DENND1A: variants seen among roughly 807,000 people sequenced by gnomAD.
DENND1A encodes the protein DENN domain-containing protein 1A.
DENND1A carries 51 observed loss-of-function variants against 113.7 expected under a neutral mutation model. The observed-to-expected ratio is 0.45, with a 90% CI of 0.36 to 0.57. DENND1A has a LOEUF of 0.57. Among genes scored for constraint, DENND1A ranks in the 20% least tolerant of loss-of-function variants. The pLI is 0.00. For missense variants in DENND1A, 1,258 were observed against 1,395.9 expected (o/e 0.90, Z 1.57); for synonymous variants, 565 against 570.8 (o/e 0.99, Z 0.14).
chr9:123,760,067 G>A (rs2070908223), intron 4 of DENND1A, among the ~76,000 whole-genome samples: 1 of 152,176 alleles, frequency 6.6e-6, no homozygotes, highest in Non-Finnish European at 1.5e-5. Flanking sequence ...AACGTAATAT[G>A]CTAGAATTCA....
At chr9:123,628,918 T>C (rs1277063014) in intron 10 of DENND1A, among the ~76,000 whole-genome samples, 1 of 152,134 alleles carries the variant, frequency 6.6e-6, no homozygotes, top group Admixed American at 6.5e-5. Context: ...GAAAGACATA[T>C]AATAAAGAGA....
intron 12 of DENND1A, among the ~76,000 whole-genome samples, chr9:123,577,057 A>T (rs1345909808): frequency 6.6e-6 from 1 of 152,138 alleles, no homozygotes; most frequent in Non-Finnish European, 1.5e-5. Flanking sequence ...AATCTGTTAA[A>T]ATATTTTTTC....
intron 5 of DENND1A, among the ~76,000 whole-genome samples, chr9:123,722,436 G>A (rs1330834782): frequency 6.6e-6 from 1 of 152,232 alleles, no homozygotes; most frequent in Non-Finnish European, 1.5e-5. Flanking sequence ...GGAGCTGAAC[G>A]TTAATCACCA....
intron 13 of DENND1A, among the ~76,000 whole-genome samples, chr9:123,507,115 G>A (rs1299975854): frequency 6.6e-6 from 1 of 152,204 alleles, no homozygotes; most frequent in Non-Finnish European, 1.5e-5. Flanking sequence ...CTTGAACCTG[G>A]GAGATGGGGG....
intron 13 of DENND1A, among the ~76,000 whole-genome samples, chr9:123,475,711 A>T (rs2049856147): frequency 6.6e-6 from 1 of 152,230 alleles, no homozygotes; most frequent in South Asian, 2.1e-4. Flanking sequence ...GGCTAAAAAT[A>T]TTGCTAACGT....
intron 13 of DENND1A, among the ~76,000 whole-genome samples, chr9:123,475,164 G>A (rs773230966): frequency 3.9e-5 from 6 of 151,968 alleles, no homozygotes; most frequent in East Asian, 1.9e-4. Context: ...AATTACAGGC[G>A]CCCGCCAACA....
chr9:123,893,911 T>C (rs1267791047), intron 1 of DENND1A, among the ~76,000 whole-genome samples: 1 of 152,176 alleles, frequency 6.6e-6, no homozygotes, highest in African/African-American at 2.4e-5. Context: ...TTAAGAGATA[T>C]TTGCTGAATG....
At chr9:123,418,805 C>T (rs1482835410) in intron 19 of DENND1A, among the ~76,000 whole-genome samples, 1 of 152,214 alleles carries the variant, frequency 6.6e-6, no homozygotes, top group Non-Finnish European at 1.5e-5. Context: ...CCCAGGGTTG[C>T]CCAGAGCAAG....
At chr9:123,842,364 G>A (rs1011032035) in intron 2 of DENND1A, among the ~76,000 whole-genome samples, 1 of 151,908 alleles carries the variant, frequency 6.6e-6, no homozygotes. Flanking sequence ...GAGGTGAGAA[G>A]TAAAAGAAAA....
At chr9:123,486,927 G>A (rs532898845) in intron 13 of DENND1A, among the ~76,000 whole-genome samples, 1 of 152,280 alleles carries the variant, frequency 6.6e-6, no homozygotes, top group Admixed American at 6.5e-5. Flanking sequence ...GGAGCCGACT[G>A]GAGGACTCCA....
intron 12 of DENND1A, among the ~76,000 whole-genome samples, chr9:123,559,111 ACCG>A (rs2057590704): frequency 6.6e-6 from 1 of 152,192 alleles, no homozygotes; most frequent in Non-Finnish European, 1.5e-5. Context: ...AGGGGTGAGC[ACCG>A]CGTGCTAAGT....
chr9:123,757,744 G>A lies in DENND1A; in HGVS notation c.261C>T (p.Cys87=), dbSNP rs1185740270. 1 of 1,614,024 alleles carries A rather than the reference G, an allele frequency of 6.2e-7. No homozygotes were observed. The highest frequency in any genetic ancestry group is 8.5e-7 in the Non-Finnish European group (1 of 1,179,980). Residue 87 remains cysteine (C), a synonymous_variant, in exon 5 of 24, where the codon TGC becomes TGT. Coordinates refer to ENST00000394215, the MANE Select transcript of DENND1A (RefSeq NM_001352964.2). The part of the protein sequence containing the change: ...DIDSKQRFGF[C]RLSSGAKSCF... ...AGCTCTTCGCTCCTGAAGATAAGCGGCAGAACCCGAATCTCTGTTTGCTGT... is the reference window on the plus strand; with the variant it reads ...AGCTCTTCGCTCCTGAAGATAAGCGACAGAACCCGAATCTCTGTTTGCTGT...
chr9:123,782,199 T>C (rs1170980553), intron 3 of DENND1A, among the ~76,000 whole-genome samples: 2 of 152,206 alleles, frequency 1.3e-5, no homozygotes, highest in Non-Finnish European at 2.9e-5. Flanking sequence ...ATTTCTCAAT[T>C]TGCCAGGGGT....
At chr9:123,765,728 T>C (rs1372880826) in intron 4 of DENND1A, among the ~76,000 whole-genome samples, 2 of 152,140 alleles carry the variant, frequency 1.3e-5, no homozygotes, top group South Asian at 2.1e-4. Flanking sequence ...AAACATGATA[T>C]GGAATGGTAC....
chr9:123,520,500 G>T (rs762957064), intron 13 of DENND1A, among the ~76,000 whole-genome samples: 1 of 152,188 alleles, frequency 6.6e-6, no homozygotes, highest in South Asian at 2.1e-4. Flanking sequence ...TGGTGAGGGT[G>T]TAAGGTCCAC....
chr9:123,543,252 G>A (rs1217952021), intron 13 of DENND1A, among the ~76,000 whole-genome samples: 2 of 152,214 alleles, frequency 1.3e-5, no homozygotes, highest in Non-Finnish European at 2.9e-5. Flanking sequence ...AAACTGCTGT[G>A]AGGAGTACTA....
chr9:123,564,980 C>CTT lies in DENND1A; in HGVS notation c.868-7287_868-7286dup, dbSNP rs199613371. ...AGAATCCAATTAATGTCTGTCCCTT[C>CTT]TTTTTTTTTTTTTTTTTTTTTTTTT... is the stretch of plus-strand genomic sequence containing the variant. On this transcript the variant is annotated intron_variant, in intron 12 of 23. Transcript: ENST00000394215. Among the ~76,000 whole-genome samples, 277 of 75,696 alleles carry CTT rather than the reference C, an allele frequency of 3.7e-3. 15 individuals are homozygous for CTT. The highest frequency in any genetic ancestry group is 5.7e-3 in the African/African-American group (109 of 19,016). 49.7% of individuals were successfully genotyped at this position (75,696 alleles called of 152,430 possible). A position where few individuals can be genotyped will look rare whatever the true frequency, so the allele number is the denominator to read the frequency against.
chr9:123,609,068 CATTTT>C (rs2060294105), intron 11 of DENND1A, among the ~76,000 whole-genome samples: 1 of 152,178 alleles, frequency 6.6e-6, no homozygotes, highest in Admixed American at 6.5e-5. Context: ...ATTCTATATA[CATTTT>C]ATATCACATT....
At chr9:123,450,859 G>GA in intron 17 of DENND1A, 110 bp from the exon 18 acceptor site, 1 of 796,470 alleles carries the variant, frequency 1.3e-6, no homozygotes, top group Non-Finnish European at 1.9e-6. Context: ...AAAAAGGAAG[G>GA]AAAAATGGGA....
Sources: gnomAD v4.1 joint callset for allele counts (sites outside exome capture counted in the v4.1 genomes callset) on GRCh38, gnomAD v4.1.1 for gene constraint, MANE v1.5 for transcripts, NCBI Gene and HGNC (gene_info 2026-07-23, HGNC 2026-07-21) for gene names.